ADCY8: variants seen among roughly 807,000 people sequenced by gnomAD.
The protein encoded by ADCY8 is adenylate cyclase 8.
Under a neutral mutation model 119.7 loss-of-function variants are expected in ADCY8, and 51 were observed. That is an observed-to-expected ratio of 0.43 (90% CI 0.34 to 0.54). The LOEUF is 0.54. ADCY8 is among the 20% of genes least tolerant of loss of function. ADCY8 has a pLI of 0.03. For synonymous variants in ADCY8, 665 were observed against 651.0 expected, an observed-to-expected ratio of 1.02 and a Z score of -0.33; for missense variants, 1,383 against 1,598.8, an observed-to-expected ratio of 0.87 and a Z score of 2.30.
chr8:130,831,294 T>C (rs993502590), intron 12 of ADCY8, among the ~76,000 whole-genome samples: 3 of 152,242 alleles, frequency 2.0e-5, no homozygotes, highest in African/African-American at 7.2e-5. Flanking sequence ...CCTTGCCAGA[T>C]AACCCTAAGT....
At chr8:131,005,482 C>T (rs1411186) in intron 1 of ADCY8, among the ~76,000 whole-genome samples, 80,611 of 151,940 alleles carry the variant, frequency 0.53, 22,285 homozygotes, top group East Asian at 0.72. Flanking sequence ...CACAGGATAA[C>T]TTGGAGTTAA....
intron 11 of ADCY8, among the ~76,000 whole-genome samples, chr8:130,839,302 C>A (rs1817073822): frequency 7.1e-6 from 1 of 139,912 alleles, no homozygotes; most frequent in East Asian, 2.2e-4. Context: ...CATGCTCTTG[C>A]CTTCTTTACT....
intron 2 of ADCY8, among the ~76,000 whole-genome samples, chr8:130,964,654 C>A (rs180916675): frequency 7.2e-5 from 11 of 152,256 alleles, no homozygotes; most frequent in Admixed American, 4.6e-4. Context: ...CTTTTAAATT[C>A]TCAGTACATT....
At chr8:130,925,504 A>C (rs539123120) in intron 5 of ADCY8, among the ~76,000 whole-genome samples, 2 of 152,138 alleles carry the variant, frequency 1.3e-5, no homozygotes, top group South Asian at 2.1e-4. Flanking sequence ...ATCATTACAG[A>C]CCTAATTACA....
chr8:130,898,155 C>T (rs900429322), intron 7 of ADCY8, among the ~76,000 whole-genome samples: 6 of 152,160 alleles, frequency 3.9e-5, no homozygotes, highest in African/African-American at 1.4e-4. Flanking sequence ...GCTCTAATTC[C>T]ATCTCTGTTA....
In ADCY8 at chr8:130,785,465, T is replaced by C; in HGVS notation, c.3071A>G (p.Glu1024Gly). The C allele has an allele frequency of 6.2e-7, 1 of 1,609,360 alleles. No individual in the cohort carries two copies. Among genetic ancestry groups the C allele is most frequent in the Middle Eastern group, 1.7e-4 (1 of 6,036 alleles). ...IIADFDELLG[E>G]DRFQDIEKIK... ...CTTTTCAATGTCTTGAAATCGGTCTTCACCAAGCAACTGAAAGAGAGCCAG... is the reference window on the plus strand; with the variant it reads ...CTTTTCAATGTCTTGAAATCGGTCTCCACCAAGCAACTGAAAGAGAGCCAG... Residue 1024 changes from glutamate (E) to glycine (G), a missense_variant, in exon 16 of 18, where the codon GAA becomes GGA. Around this residue, in one of 2 missense-constraint regions of ADCY8, gnomAD observed 928 missense variants for 1,163.5 expected, o/e 0.80. Coordinates refer to ENST00000286355, the MANE Select transcript of ADCY8 (RefSeq NM_001115.3).
At chr8:130,828,484 C>G (rs1816733592) in intron 12 of ADCY8, among the ~76,000 whole-genome samples, 1 of 152,066 alleles carries the variant, frequency 6.6e-6, no homozygotes, top group Non-Finnish European at 1.5e-5. Flanking sequence ...ATTTCCAGGT[C>G]TCTCTCTGCC....
chr8:130,924,053 G>A (rs966260099), intron 5 of ADCY8, among the ~76,000 whole-genome samples: 20 of 152,182 alleles, frequency 1.3e-4, no homozygotes, highest in African/African-American at 4.8e-4. Flanking sequence ...GCAAATTTCA[G>A]GCATCAGTAG....
chr8:130,962,693 C>T (rs188601564), intron 2 of ADCY8, among the ~76,000 whole-genome samples: 17 of 152,302 alleles, frequency 1.1e-4, no homozygotes. Flanking sequence ...TCAGCGCAGC[C>T]CTGTGAATCA....
intron 4 of ADCY8, 114 bp from the exon 5 acceptor site, chr8:130,937,314 G>A: frequency 1.9e-6 from 2 of 1,078,212 alleles, no homozygotes; most frequent in Middle Eastern, 3.2e-4. Context: ...GGGGTAAGGA[G>A]AACCTACCTT....
At chr8:131,002,035 G>A (rs79797827) in intron 1 of ADCY8, among the ~76,000 whole-genome samples, 3,190 of 152,250 alleles carry the variant, frequency 0.021, 134 homozygotes, top group African/African-American at 0.071. Flanking sequence ...GCTGTGCTAC[G>A]CATAGAGCTT....
At chr8:130,978,537 A>G (rs1386465028) in intron 2 of ADCY8, among the ~76,000 whole-genome samples, 4 of 152,202 alleles carry the variant, frequency 2.6e-5, no homozygotes, top group Non-Finnish European at 4.4e-5. Flanking sequence ...CTCATTTGAT[A>G]CAGTGTTAGT....
intron 13 of ADCY8, among the ~76,000 whole-genome samples, chr8:130,817,707 A>G (rs758863933): frequency 2.6e-5 from 4 of 152,236 alleles, no homozygotes; most frequent in Non-Finnish European, 4.4e-5. Flanking sequence ...CCAGAACCTC[A>G]TGGTCACCTC....
rs140101729 is a variant in ADCY8, at chr8:130,967,961, C to T, written c.1111-15963G>A. On this transcript the variant is annotated intron_variant, in intron 2 of 17. Coordinates refer to ENST00000286355, the MANE Select transcript of ADCY8 (RefSeq NM_001115.3). Reference sequence around the variant, plus strand: ...ACTTAACCTCTCCAAACCTCATTGTCCTCATCTGTAAAATAATAATAGCTC... The same window carrying T: ...ACTTAACCTCTCCAAACCTCATTGTTCTCATCTGTAAAATAATAATAGCTC... Among the ~76,000 whole-genome samples, 72 of 152,178 alleles carry T rather than the reference C, an allele frequency of 4.7e-4. 1 individual carries two copies. The East Asian group carries it at 0.013, about 27-fold the overall frequency.
intron 7 of ADCY8, among the ~76,000 whole-genome samples, chr8:130,894,491 T>G (rs1401777371): frequency 6.6e-6 from 1 of 152,076 alleles, no homozygotes; most frequent in Non-Finnish European, 1.5e-5. Context: ...TCTCACAGTG[T>G]GACATGATTC....
chr8:130,987,264 C>T (rs544782055), intron 2 of ADCY8, among the ~76,000 whole-genome samples: 51 of 152,096 alleles, frequency 3.4e-4, no homozygotes, highest in African/African-American at 1.1e-3. Flanking sequence ...AATTTTTTTT[C>T]GATAGCCTTC....
At chr8:130,910,196 A>C (rs1455326397) in intron 5 of ADCY8, among the ~76,000 whole-genome samples, 2 of 152,162 alleles carry the variant, frequency 1.3e-5, no homozygotes, top group Non-Finnish European at 2.9e-5. Flanking sequence ...AATAACTAGA[A>C]AGAGTCTCTG....
intron 12 of ADCY8, among the ~76,000 whole-genome samples, chr8:130,833,416 G>T (rs1816897784): frequency 6.6e-6 from 1 of 152,114 alleles, no homozygotes; most frequent in African/African-American, 2.4e-5. Context: ...TTACATCCTG[G>T]CTATTGTGAA....
chr8:130,901,652 C>T (rs1327569820), intron 7 of ADCY8, among the ~76,000 whole-genome samples: 1 of 152,166 alleles, frequency 6.6e-6, no homozygotes, highest in African/African-American at 2.4e-5. Context: ...GGCATAAGTA[C>T]AAACATTGAA....
Sources: gnomAD v4.1 joint callset for allele counts (sites outside exome capture counted in the v4.1 genomes callset) on GRCh38, gnomAD v4.1.1 for gene constraint, gnomAD v4.1.1 regional missense constraint, MANE v1.5 for transcripts, NCBI Gene and HGNC (gene_info 2026-07-23, HGNC 2026-07-21) for gene names.